Variants in B4GALNT2 observed in about 807,000 individuals in gnomAD.
B4GALNT2 encodes the protein N-acetylneuraminylgalactosylglucosyl-glucoside beta-1,4-N- acetylgalactosaminyltransferase 2.
B4GALNT2 carries 42 observed loss-of-function variants against 51.1 expected under a neutral mutation model. The observed-to-expected ratio is 0.82, with a 90% confidence interval of 0.64 to 1.06. B4GALNT2 has a LOEUF of 1.06. Among genes scored for constraint, B4GALNT2 ranks in the 50% least tolerant of loss-of-function variants. The pLI is 0.00. For synonymous variants in B4GALNT2, 253 were observed against 251.7 expected (o/e 1.01, Z -0.05); for missense variants, 602 against 633.6 (o/e 0.95, Z 0.54).
chr17:49,146,954 C>T (rs368513944), intron 3 of B4GALNT2, among the ~76,000 whole-genome samples: 1 of 152,220 alleles, frequency 6.6e-6, no homozygotes, highest in African/African-American at 2.4e-5. Context: ...CATTTGCTCC[C>T]TGGCCAATGT....
the B4GALNT2 span, among the ~76,000 whole-genome samples, chr17:49,123,205 C>T: frequency 6.6e-6 from 1 of 152,182 alleles, no homozygotes; most frequent in African/African-American, 2.4e-5. Context: ...CCTGGACTCA[C>T]TAGACGTGGG....
Position 49,159,310 on chromosome 17 carries a change from GT to G in B4GALNT2, c.679+99del. On this transcript the variant is annotated intron_variant, in intron 6 of 10. Coordinates refer to ENST00000393354, the MANE Select transcript of B4GALNT2 (RefSeq NM_001159387.2). Reference sequence around the variant, plus strand: ...TCTTCCTCCTTCAGGAAGCCTTCCTGTTTTTTGTGTTTTGTGTGTGTTTGTT... The same window carrying G: ...TCTTCCTCCTTCAGGAAGCCTTCCTGTTTTTGTGTTTTGTGTGTGTTTGTT... 3.7e-6 allele frequency: 5 copies of G among 1,334,222 alleles called. No homozygotes were observed. The South Asian group carries it at 4.1e-5, about 11-fold the overall frequency. 82.6% of individuals were successfully genotyped at this position (1,334,222 alleles called of 1,614,324 possible).
chr17:49,153,898 C>A (rs1021455189), intron 4 of B4GALNT2, among the ~76,000 whole-genome samples: 1 of 152,106 alleles, frequency 6.6e-6, no homozygotes, highest in African/African-American at 2.4e-5. Flanking sequence ...CAAGATAACA[C>A]AGGAGAGGAC....
At chr17:49,149,561 C>T (rs1324111272) in intron 3 of B4GALNT2, among the ~76,000 whole-genome samples, 4 of 152,004 alleles carry the variant, frequency 2.6e-5, no homozygotes, top group Non-Finnish European at 4.4e-5. Context: ...GCAGGAAAAT[C>T]GCTTGAACCC....
chr17:49,141,904 C>A, intron 2 of B4GALNT2, 131 bp from the exon 3 acceptor site: 1 of 1,184,900 alleles, frequency 8.4e-7, no homozygotes, highest in Non-Finnish European at 1.2e-6. Context: ...AGGGTCTCAT[C>A]ATCTCAGAAC....
chr17:49,161,466 A>C (rs1311328042), intron 7 of B4GALNT2, among the ~76,000 whole-genome samples: 1 of 152,024 alleles, frequency 6.6e-6, no homozygotes, highest in Admixed American at 6.6e-5. Context: ...CAGGAGGCGG[A>C]GATGGGAGGA....
At chr17:49,154,371 T>A (rs2042787948) in intron 4 of B4GALNT2, among the ~76,000 whole-genome samples, 1 of 152,098 alleles carries the variant, frequency 6.6e-6, no homozygotes, top group Non-Finnish European at 1.5e-5. Flanking sequence ...TACACACCCC[T>A]CTAGTTCAGC....
At chr17:49,148,118 G>C (rs992498171) in intron 3 of B4GALNT2, among the ~76,000 whole-genome samples, 2 of 151,706 alleles carry the variant, frequency 1.3e-5, no homozygotes, top group Non-Finnish European at 2.9e-5. Context: ...TGGCCAACAT[G>C]GTGAAACCCT....
chr17:49,149,358 T>A (rs1382798230), intron 3 of B4GALNT2, among the ~76,000 whole-genome samples: 1 of 151,974 alleles, frequency 6.6e-6, no homozygotes, highest in Non-Finnish European at 1.5e-5. Context: ...TTAAGACATG[T>A]ATAAGGGCCA....
chr17:49,140,045 A>AAATAT (rs778069894), intron 1 of B4GALNT2, among the ~76,000 whole-genome samples: 1 of 149,258 alleles, frequency 6.7e-6, no homozygotes, highest in Non-Finnish European at 1.5e-5. Context: ...ATTAATTTAT[A>AAATAT]AATATAATAT....
chr17:49,168,776 C>T lies in B4GALNT2; in HGVS notation c.1191C>T (p.Phe397=). ...GACLHKRMGF[F]QPLDGFPSCV... ...GCCTTCACAAGAGGATGGGATTTTT[C>T]CAACCCCTGGATGGCTTCCCCAGCT... The change falls in exon 10 of 11, where the codon TTC becomes TTT. Residue 397 remains phenylalanine (F), a synonymous_variant. Transcript: ENST00000393354. The T allele has an allele frequency of 6.2e-7, 1 of 1,614,046 alleles. No homozygotes were observed. Among genetic ancestry groups the T allele is most frequent in the Non-Finnish European group, 8.5e-7 (1 of 1,180,020 alleles).
chr17:49,134,195 T>C (rs1035661422), intron 1 of B4GALNT2, among the ~76,000 whole-genome samples: 4 of 152,206 alleles, frequency 2.6e-5, no homozygotes, highest in Non-Finnish European at 5.9e-5. Flanking sequence ...TGTGGAATCA[T>C]GCATAAAAGG....
intron 10 of B4GALNT2, among the ~76,000 whole-genome samples, 169 bp from the exon 11 acceptor site, chr17:49,169,354 A>T (rs1187521313): frequency 6.6e-6 from 1 of 152,088 alleles, no homozygotes; most frequent in Non-Finnish European, 1.5e-5. Context: ...CTTCCAACTC[A>T]TCAGCAGGGA....
intron 7 of B4GALNT2, 48 bp downstream of exon 7, chr17:49,160,689 A>G: frequency 6.5e-7 from 1 of 1,528,488 alleles, no homozygotes; most frequent in Non-Finnish European, 9.1e-7. Context: ...CTGTGAAGCT[A>G]TTGGTGAAAT....
intron 1 of B4GALNT2, among the ~76,000 whole-genome samples, chr17:49,135,606 C>T (rs1598194568): frequency 6.6e-6 from 1 of 151,994 alleles, no homozygotes; most frequent in South Asian, 2.1e-4. Flanking sequence ...TGTGTTACTT[C>T]TAATAAATTT....
intron 1 of B4GALNT2, among the ~76,000 whole-genome samples, chr17:49,136,296 C>A (rs1310006454): frequency 1.3e-5 from 2 of 151,496 alleles, no homozygotes; most frequent in Non-Finnish European, 2.9e-5. Context: ...AAAATTAATT[C>A]TTGATCATTA....
chr17:49,135,908 AAAAATAAAAT>A (rs764787368), intron 1 of B4GALNT2, among the ~76,000 whole-genome samples: 1 of 151,688 alleles, frequency 6.6e-6, no homozygotes, highest in African/African-American at 2.4e-5. Context: ...CTAAAAATAC[AAAAATAAAAT>A]AAAATAAAAT....
intron 3 of B4GALNT2, among the ~76,000 whole-genome samples, chr17:49,150,314 C>T (rs1436961226): frequency 6.7e-6 from 1 of 148,476 alleles, no homozygotes; most frequent in Non-Finnish European, 1.5e-5. Flanking sequence ...TCAGCCCCCC[C>T]CGCCTGGCCA....
intron 6 of B4GALNT2, 121 bp downstream of exon 6, chr17:49,159,338 G>GTTTTA: frequency 1.9e-6 from 2 of 1,058,740 alleles, no homozygotes; most frequent in East Asian, 5.1e-5. Flanking sequence ...GTGTTTGTTT[G>GTTTTA]TTTTGTTTTG....
Sources: allele counts gnomAD v4.1 joint callset (sites outside exome capture counted in the v4.1 genomes callset), GRCh38; gene constraint gnomAD v4.1.1; transcripts MANE v1.5; gene names NCBI Gene and HGNC (gene_info 2026-07-23, HGNC 2026-07-21).